TAF1: variants seen among roughly 807,000 people sequenced by gnomAD.
TAF1 encodes the protein TATA-box binding protein associated factor 1.
Under a neutral mutation model 138.5 loss-of-function variants are expected in TAF1, and 2 were observed. The ratio of observed to expected loss-of-function variants is 0.01; its 90% confidence interval spans 0.01 to 0.05. The LOEUF (loss-of-function observed/expected upper bound fraction) is 0.05. TAF1 is among the 10% of genes least tolerant of loss of function. The pLI is 1.00. For synonymous variants in TAF1, 437 were observed against 503.2 expected (o/e 0.87, Z 1.76); for missense variants, 709 against 1,478.0 (o/e 0.48, Z 8.53).
At chrX:71,409,642 C>T (rs980228036) in intron 28 of TAF1, among the ~76,000 whole-genome samples, 10 of 111,351 alleles carry the variant, frequency 9.0e-5, no homozygotes, top group African/African-American at 3.3e-4. Context: ...GTTTTCTCAT[C>T]TGTAAACATG....
rs867797343 is a variant in TAF1 at position 71,392,658 on chromosome X, C to T, written c.2871C>T (p.Pro957=). ...TAGAGGTGACTGGGGTGGCAGATCC[C>T]ACGGGGTGTGGTGAAGGATTCTCCT... The part of the protein sequence containing the change: ...CLLEVTGVAD[P]TGCGEGFSYV... Residue 957 remains proline (P), a synonymous_variant, in exon 19 of 38, where the codon CCC becomes CCT. Coordinates refer to ENST00000423759, the MANE Select transcript of TAF1 (RefSeq NM_004606.5). 2.5e-6 allele frequency: 3 copies of T among 1,208,897 alleles called. No homozygotes were observed. Among genetic ancestry groups the T allele is most frequent in the Middle Eastern group, 2.3e-4 (1 of 4,333 alleles).
At chrX:71,416,975 C>T (rs2036044391) in intron 28 of TAF1, among the ~76,000 whole-genome samples, 1 of 98,328 alleles carries the variant, frequency 1.0e-5, no homozygotes, top group Non-Finnish European at 2.0e-5. Flanking sequence ...TCAAGACCAG[C>T]CTGGCCAACA....
intron 25 of TAF1, among the ~76,000 whole-genome samples, chrX:71,406,282 T>G (rs2035461752): frequency 9.6e-6 from 1 of 104,187 alleles, no homozygotes; most frequent in Non-Finnish European, 2.0e-5. Context: ...TGAGCTGACA[T>G]TGCGCCATTG....
intron 13 of TAF1, among the ~76,000 whole-genome samples, chrX:71,513,114 C>G (rs907262219): frequency 2.7e-5 from 3 of 111,891 alleles, no homozygotes; most frequent in Middle Eastern, 9.3e-3. Flanking sequence ...AAGCTTAAAG[C>G]TGAGAAGGAA....
chrX:71,525,742 T>A (rs2039988693), intron 13 of TAF1, among the ~76,000 whole-genome samples: 1 of 109,558 alleles, frequency 9.1e-6, no homozygotes, highest in Non-Finnish European at 1.9e-5. Context: ...AACCTCCACC[T>A]CCCTGGGCTC....
At position 71,366,511 on chromosome X, in the gene TAF1, G is replaced by A. The variant is rs2032491896; in HGVS notation, c.120+17G>A. On this transcript the variant is annotated intron_variant, in intron 1 of 37. Coordinates refer to ENST00000423759, the MANE Select transcript of TAF1 (RefSeq NM_004606.5). ...TTGGATGATGTGAGGGGGTGGGCGT[G>A]GGGGTAGGGCTCGGGGGGTGGGGCT... 1 of 1,032,089 alleles carries A rather than the reference G, an allele frequency of 9.7e-7. No individual in the cohort carries two copies. Among genetic ancestry groups the A allele is most frequent in the African/African-American group, 1.9e-5 (1 of 52,650 alleles). The allele number at this position is 1,032,089 out of a possible 1,213,427, so 85.1% of individuals were successfully genotyped here. A position where few individuals can be genotyped will look rare whatever the true frequency, so the allele number is the denominator to read the frequency against.
At chrX:71,490,389 G>T (rs1363485189) in intron 13 of TAF1, among the ~76,000 whole-genome samples, 1 of 111,793 alleles carries the variant, frequency 8.9e-6, no homozygotes, top group African/African-American at 3.3e-5. Context: ...ATAGACAGGT[G>T]ACTATATTTG....
intron 34 of TAF1, 104 bp downstream of exon 34, chrX:71,454,961 C>T (rs1569368158): frequency 8.5e-7 from 1 of 1,177,113 alleles, no homozygotes. Flanking sequence ...TCTTCTCTGT[C>T]CTTCCTCTTC....
chrX:71,518,773 G>A (rs146068743), intron 13 of TAF1, among the ~76,000 whole-genome samples: 1,537 of 90,530 alleles, frequency 0.017, 41 homozygotes, highest in African/African-American at 0.063. Flanking sequence ...TCGGCTCATT[G>A]CAACCTTCGC....
intron 13 of TAF1, among the ~76,000 whole-genome samples, chrX:71,518,496 A>G (rs528473073): frequency 1.8e-5 from 2 of 110,593 alleles, no homozygotes; most frequent in Middle Eastern, 4.9e-3. Flanking sequence ...TTACAAACCA[A>G]AACATGTTGA....
intron 32 of TAF1, among the ~76,000 whole-genome samples, chrX:71,433,457 A>G (rs978911374): frequency 7.2e-5 from 8 of 111,324 alleles, no homozygotes; most frequent in African/African-American, 2.6e-4. Flanking sequence ...AATGTAAATG[A>G]CTAAGGTGGG....
At chrX:71,443,864 A>G (rs942231044) in intron 32 of TAF1, among the ~76,000 whole-genome samples, 2 of 111,298 alleles carry the variant, frequency 1.8e-5, no homozygotes, top group Non-Finnish European at 3.8e-5. Context: ...GTCCGCCCCA[A>G]TGCCCGGCTA....
intron 15 of TAF1, among the ~76,000 whole-genome samples, chrX:71,388,000 TG>T (rs1480223676): frequency 9.0e-6 from 1 of 110,824 alleles, no homozygotes; most frequent in Non-Finnish European, 1.9e-5. Context: ...CTCTGGAGGC[TG>T]AGGCAGGAAA....
chrX:71,519,629 C>G (rs1353693975), intron 13 of TAF1, among the ~76,000 whole-genome samples: 1 of 106,890 alleles, frequency 9.4e-6, no homozygotes, highest in Non-Finnish European at 1.9e-5. Context: ...GGAGACAGAG[C>G]GAGACTCCAT....
chrX:71,379,127 T>TC, intron 8 of TAF1, 96 bp downstream of exon 8: 2 of 839,227 alleles, frequency 2.4e-6, no homozygotes, highest in Non-Finnish European at 3.3e-6. Context: ...TTTTTTTTTT[T>TC]TCGGTGAGAC....
chrX:71,529,693 A>G (rs1443032800), intron 14 of TAF1: 1 of 332,063 alleles, frequency 3.0e-6, no homozygotes, highest in Admixed American at 3.1e-5. Context: ...TGAACTCTTT[A>G]CTTTGTTCTT....
At chrX:71,441,585 G>A (rs1340590980) in intron 32 of TAF1, 2 of 240,177 alleles carry the variant, frequency 8.3e-6, no homozygotes, top group African/African-American at 6.1e-5. Flanking sequence ...CATCCTTCTA[G>A]CTATTTGAAA....
chrX:71,379,230 C>T (rs886660720), intron 8 of TAF1, among the ~76,000 whole-genome samples, 199 bp downstream of exon 8: 3 of 107,490 alleles, frequency 2.8e-5, no homozygotes, highest in African/African-American at 1.0e-4. Flanking sequence ...GTTCTTCTGC[C>T]TCAGCCTCTG....
chrX:71,379,279 C>T, intron 8 of TAF1, among the ~76,000 whole-genome samples: 1 of 108,377 alleles, frequency 9.2e-6, no homozygotes, highest in South Asian at 4.1e-4. Flanking sequence ...CGATGTCTGA[C>T]TAATTTTTGT....
Sources: allele counts gnomAD v4.1 joint callset (sites outside exome capture counted in the v4.1 genomes callset), GRCh38; gene constraint gnomAD v4.1.1; transcripts MANE v1.5; gene names NCBI Gene and HGNC (gene_info 2026-07-23, HGNC 2026-07-21).